The following MALRD1 variants were observed in gnomAD, a reference collection of about 807,000 sequenced individuals.
MALRD1 encodes MAM and LDL-receptor class A domain-containing protein 1.
In MALRD1, 247 loss-of-function variants were observed where a neutral mutation model predicts 242.1. The ratio of observed to expected loss-of-function variants is 1.02; its 90% CI spans 0.92 to 1.13. The LOEUF is 1.13. Among genes scored for constraint, MALRD1 ranks in the 50% most tolerant of loss-of-function variants. MALRD1 has a pLI of 0.00. For synonymous variants in MALRD1, 995 were observed against 866.6 expected, an observed-to-expected ratio of 1.15 and a Z score of -2.60; for missense variants, 2,989 against 2,533.1, an observed-to-expected ratio of 1.18 and a Z score of -3.86.
chr10:19,431,092 C>T (rs1246459174), intron 28 of MALRD1, among the ~76,000 whole-genome samples: 2 of 152,080 alleles, frequency 1.3e-5, no homozygotes, highest in Non-Finnish European at 2.9e-5. Flanking sequence ...TTTGCTGTGC[C>T]TATCAACCCA....
chr10:19,315,637 T>C (rs1221575214), intron 21 of MALRD1, among the ~76,000 whole-genome samples: 1 of 127,266 alleles, frequency 7.9e-6, no homozygotes, highest in African/African-American at 3.0e-5. Flanking sequence ...AAATATTATT[T>C]ATATAAATAT....
intron 18 of MALRD1, among the ~76,000 whole-genome samples, chr10:19,231,908 C>A (rs900474404): frequency 6.6e-6 from 1 of 151,890 alleles, no homozygotes; most frequent in East Asian, 1.9e-4. Flanking sequence ...AATAATTAAG[C>A]ATGGCTAATA....
At chr10:19,559,440 A>G (rs1047172152) in intron 32 of MALRD1, among the ~76,000 whole-genome samples, 4 of 152,054 alleles carry the variant, frequency 2.6e-5, no homozygotes, top group Non-Finnish European at 5.9e-5. Context: ...GCACTGCTTC[A>G]CTTCATCCCA....
intron 38 of MALRD1, among the ~76,000 whole-genome samples, chr10:19,697,903 A>C (rs775201011): frequency 2.6e-5 from 4 of 152,066 alleles, no homozygotes; most frequent in South Asian, 4.1e-4. Context: ...ATTTTCTTCC[A>C]GTAACTTATT....
chr10:19,389,647 G>T, intron 28 of MALRD1, 38 bp downstream of exon 28: 1 of 1,534,342 alleles, frequency 6.5e-7, no homozygotes, highest in Non-Finnish European at 8.8e-7. Context: ...AGCTTGTTTT[G>T]TTCTGTTTTA....
chr10:19,275,760 T>G (rs573335243), intron 19 of MALRD1, among the ~76,000 whole-genome samples: 3 of 152,346 alleles, frequency 2.0e-5, no homozygotes, highest in Admixed American at 6.5e-5. Context: ...CGAGCAAGTT[T>G]AAAGTAGTAC....
At chr10:19,273,914 A>G (rs1588830618) in intron 19 of MALRD1, among the ~76,000 whole-genome samples, 2 of 152,280 alleles carry the variant, frequency 1.3e-5, no homozygotes, top group Non-Finnish European at 2.9e-5. Context: ...GAAAATGGAA[A>G]TCAAAACCAC....
At chr10:19,622,387 G>A (rs1839444144) in intron 36 of MALRD1, among the ~76,000 whole-genome samples, 3 of 151,434 alleles carry the variant, frequency 2.0e-5, no homozygotes, top group African/African-American at 7.3e-5. Context: ...ACAACAAAAA[G>A]AGAAAATATT....
chr10:19,071,885 T>C (rs1299511961), intron 2 of MALRD1, among the ~76,000 whole-genome samples: 1 of 152,166 alleles, frequency 6.6e-6, no homozygotes, highest in Non-Finnish European at 1.5e-5. Context: ...GTCCATTTAT[T>C]CCTTTCTATA....
intron 21 of MALRD1, among the ~76,000 whole-genome samples, chr10:19,317,504 A>G (rs897293587): frequency 2.0e-5 from 3 of 151,986 alleles, no homozygotes; most frequent in African/African-American, 7.2e-5. Flanking sequence ...ATTGTTCACA[A>G]CAGCTTTTTT....
intron 5 of MALRD1, among the ~76,000 whole-genome samples, chr10:19,116,821 G>A (rs985783309): frequency 6.6e-6 from 1 of 152,140 alleles, no homozygotes; most frequent in African/African-American, 2.4e-5. Flanking sequence ...GGGCACAGTG[G>A]CTCACACCTG....
intron 13 of MALRD1, 101 bp from the exon 14 acceptor site, chr10:19,175,107 T>C (rs1835174734): frequency 2.4e-6 from 2 of 821,424 alleles, no homozygotes; most frequent in African/African-American, 1.8e-5. Flanking sequence ...GATTGGAGAA[T>C]GGGACAGATG....
Position 19,279,945 on chromosome 10 carries a change from T to C in MALRD1, c.3080-102T>C, listed in dbSNP as rs1840723678. 3.2e-6 allele frequency: 3 copies of C among 934,698 alleles called. No individual in the cohort carries two copies. In the East Asian group the frequency reaches 8.6e-5, roughly 27 times the overall value. The allele number at this position is 934,698 out of a possible 1,614,324, so 57.9% of individuals were successfully genotyped here. The stretch of plus-strand genomic sequence containing the variant: ...TGATACTACCCACTGTTCTCTATGA[T>C]ATTGTGGGGCATATTTAGAAAGCTT... On this transcript the variant is annotated intron_variant, in intron 19 of 39. Coordinates refer to ENST00000454679, the MANE Select transcript of MALRD1 (RefSeq NM_001142308.3).
chr10:19,358,979 T>C (rs1844768435), intron 26 of MALRD1, among the ~76,000 whole-genome samples: 1 of 152,146 alleles, frequency 6.6e-6, no homozygotes, highest in Non-Finnish European at 1.5e-5. Context: ...GTTTAACTGA[T>C]TATACATAAT....
intron 33 of MALRD1, among the ~76,000 whole-genome samples, chr10:19,588,149 A>T (rs1431660330): frequency 3.3e-5 from 5 of 152,008 alleles, no homozygotes; most frequent in African/African-American, 9.7e-5. Flanking sequence ...TATATTCGAA[A>T]ATTTTTTTTT....
chr10:19,126,230 T>C (rs1368810866), intron 7 of MALRD1, among the ~76,000 whole-genome samples: 1 of 152,108 alleles, frequency 6.6e-6, no homozygotes, highest in Non-Finnish European at 1.5e-5. Context: ...GGAATGAGTA[T>C]ACGTTTAATT....
intron 28 of MALRD1, among the ~76,000 whole-genome samples, chr10:19,432,453 A>C (rs1270844287): frequency 1.3e-5 from 2 of 152,206 alleles, no homozygotes; most frequent in Non-Finnish European, 2.9e-5. Context: ...TTTTGAGTCA[A>C]CTTTTAGCCA....
At chr10:19,658,147 TCAAAA>T (rs984382271) in intron 36 of MALRD1, among the ~76,000 whole-genome samples, 4 of 151,052 alleles carry the variant, frequency 2.6e-5, no homozygotes, top group Non-Finnish European at 5.9e-5. Context: ...AAACTCAATC[TCAAAA>T]CAAAGCAAAC....
At chr10:19,465,261 T>A (rs912351172) in intron 29 of MALRD1, among the ~76,000 whole-genome samples, 8 of 152,144 alleles carry the variant, frequency 5.3e-5, no homozygotes, top group Admixed American at 5.2e-4. Flanking sequence ...ATAGAAGTGG[T>A]GAGAGTGGGC....
Sources: gnomAD v4.1 joint callset for allele counts (sites outside exome capture counted in the v4.1 genomes callset) on GRCh38, gnomAD v4.1.1 for gene constraint, MANE v1.5 for transcripts, NCBI Gene and HGNC (gene_info 2026-07-23, HGNC 2026-07-21) for gene names.